Variants in GLT1D1 observed in about 807,000 individuals in gnomAD.
GLT1D1 encodes the protein glycosyltransferase 1 domain-containing protein 1.
In GLT1D1, 21 loss-of-function variants were observed where a neutral mutation model predicts 28.7. The observed-to-expected ratio is 0.73, with a 90% CI of 0.52 to 1.05. GLT1D1 has a LOEUF of 1.05. Ranked by LOEUF, GLT1D1 falls within the 50% of genes least tolerant of loss-of-function variation. The pLI, the probability that GLT1D1 is intolerant of heterozygous loss-of-function variation, is 0.00. For missense variants in GLT1D1, 343 were observed against 330.6 expected, an observed-to-expected ratio of 1.04 and a Z score of -0.29; for synonymous variants, 147 against 124.8, an observed-to-expected ratio of 1.18 and a Z score of -1.19.
chr12:128,957,487 TG>T, intron 6 of GLT1D1, 57 bp from the exon 11 acceptor site: 1 of 1,196,504 alleles, frequency 8.4e-7, no homozygotes, highest in Non-Finnish European at 1.2e-6. Context: ...TGACTCATCT[TG>T]CCGCAGAGGC....
chr12:128,933,960 G>T (rs1372759423), intron 4 of GLT1D1, among the ~76,000 whole-genome samples: 2 of 152,034 alleles, frequency 1.3e-5, no homozygotes, highest in African/African-American at 4.8e-5. Context: ...AATTCTTATT[G>T]GAAAGACTAT....
chr12:128,861,618 G>T (rs140513632), intron 1 of GLT1D1, among the ~76,000 whole-genome samples: 1 of 152,218 alleles, frequency 6.6e-6, no homozygotes, highest in Non-Finnish European at 1.5e-5. Flanking sequence ...GTGCAGCGGG[G>T]TGGTGACTGT....
chr12:128,876,488 T>G (rs749907888), intron 2 of GLT1D1, among the ~76,000 whole-genome samples: 2 of 151,586 alleles, frequency 1.3e-5, no homozygotes, highest in Non-Finnish European at 2.9e-5. Flanking sequence ...AAATTTTTGT[T>G]TTTTTTTTCA....
chr12:128,863,838 C>T (rs997180815), intron 1 of GLT1D1, among the ~76,000 whole-genome samples: 14 of 148,036 alleles, frequency 9.5e-5, no homozygotes, highest in African/African-American at 3.0e-4. Context: ...CCCAGCTACT[C>T]GGGAGGCTGA....
intron 6 of GLT1D1, among the ~76,000 whole-genome samples, chr12:128,948,686 T>A (rs1213476447): frequency 6.6e-6 from 1 of 151,442 alleles, no homozygotes; most frequent in Non-Finnish European, 1.5e-5. Flanking sequence ...TATCCATGTA[T>A]CCCCTTGGAT....
At chr12:128,932,835 G>A (rs1394782479) in intron 4 of GLT1D1, among the ~76,000 whole-genome samples, 4 of 152,134 alleles carry the variant, frequency 2.6e-5, no homozygotes, top group African/African-American at 9.7e-5. Flanking sequence ...TCCCTGCCTC[G>A]TCGAAGGTCC....
At chr12:128,898,264 C>A (rs1193376146) in intron 3 of GLT1D1, among the ~76,000 whole-genome samples, 1 of 151,982 alleles carries the variant, frequency 6.6e-6, no homozygotes, top group Non-Finnish European at 1.5e-5. Context: ...CCTTGACATC[C>A]CAGGCTCAAG....
At chr12:128,959,458 TGGTGGGGG>T (rs1565914077) in intron 7 of GLT1D1, among the ~76,000 whole-genome samples, 7 of 10,222 alleles carry the variant, frequency 6.8e-4, no homozygotes, top group South Asian at 4.7e-3. Context: ...GAACGGCGGG[TGGTGGGGG>T]GGCAGCAAGG....
chr12:128,927,959 C>T (rs190951639), intron 4 of GLT1D1, among the ~76,000 whole-genome samples: 2,899 of 109,086 alleles, frequency 0.027, 114 homozygotes, highest in African/African-American at 0.087. Flanking sequence ...AAGGTCGCAC[C>T]GCTGTACTCC....
intron 7 of GLT1D1, among the ~76,000 whole-genome samples, chr12:128,965,836 C>T (rs11060045): frequency 0.071 from 10,805 of 151,964 alleles, 664 homozygotes; most frequent in African/African-American, 0.17. Context: ...TGGAAGTTGC[C>T]GTGAGCTGAG....
chr12:128,944,430 C>T, intron 4 of GLT1D1: 2 of 1,341,542 alleles, frequency 1.5e-6, no homozygotes, highest in Non-Finnish European at 2.1e-6. Context: ...CTTCATAAGC[C>T]TTTAGTCTCT....
intron 7 of GLT1D1, among the ~76,000 whole-genome samples, chr12:128,969,494 G>C (rs551023678): frequency 7.8e-4 from 119 of 152,332 alleles, no homozygotes; most frequent in Non-Finnish European, 1.4e-3. Context: ...GGGCAGGTTT[G>C]CCCCGAGCTG....
intron 7 of GLT1D1, among the ~76,000 whole-genome samples, chr12:128,969,907 C>T (rs551365687): frequency 1.3e-5 from 2 of 152,206 alleles, no homozygotes; most frequent in East Asian, 3.9e-4. Context: ...CCCGCAGGCT[C>T]CAGCTGGGGA....
rs1555261631 is a variant in GLT1D1 at position 128,874,120 on chromosome 12, C to CCCTTTCTT, written c.69-1794_69-1793insCCTTTCTT. Among the ~76,000 whole-genome samples the CCCTTTCTT allele has an allele frequency of 1.6e-3, 84 of 52,802 alleles. 7 individuals carry two copies. Among genetic ancestry groups the CCCTTTCTT allele is most frequent in the African/African-American group, 6.9e-3 (79 of 11,374 alleles). 34.6% of individuals were successfully genotyped at this position (52,802 alleles called of 152,430 possible). A position where few individuals can be genotyped will look rare whatever the true frequency, so the allele number is the denominator to read the frequency against. ...TCTTTCTCTCTCTCTCTCTCTCTCT[C>CCCTTTCTT]TCTCTCTTTCTTTCTTTCTTTCTTT... is the stretch of plus-strand genomic sequence containing the variant. On this transcript the variant is annotated intron_variant, in intron 1 of 7. Transcript: ENST00000281703.
chr12:128,958,941 G>A (rs369874041), intron 7 of GLT1D1, among the ~76,000 whole-genome samples: 55 of 145,486 alleles, frequency 3.8e-4, no homozygotes, highest in Admixed American at 8.5e-4. Flanking sequence ...GGGCTCAAGC[G>A]ATCCTCCCAC....
At chr12:128,879,208 G>C (rs1053277535) in intron 2 of GLT1D1, among the ~76,000 whole-genome samples, 3 of 151,950 alleles carry the variant, frequency 2.0e-5, no homozygotes, top group Non-Finnish European at 4.4e-5. Flanking sequence ...TTGTTACATA[G>C]GTAAACGTGT....
chr12:128,896,941 A>G (rs1478344944), intron 3 of GLT1D1, among the ~76,000 whole-genome samples: 1 of 152,200 alleles, frequency 6.6e-6, no homozygotes, highest in Non-Finnish European at 1.5e-5. Flanking sequence ...GTAGAATTGC[A>G]AGGTCTAACG....
chr12:128,873,891 T>C (rs61111071), intron 1 of GLT1D1, among the ~76,000 whole-genome samples: 19,641 of 127,226 alleles, frequency 0.15, 1,609 homozygotes, highest in South Asian at 0.25. Context: ...TCCTCTCTCT[T>C]GCTCCCTTTC....
chr12:128,930,065 G>T (rs1356553927), intron 4 of GLT1D1, among the ~76,000 whole-genome samples: 1 of 152,198 alleles, frequency 6.6e-6, no homozygotes, highest in East Asian at 1.9e-4. Flanking sequence ...CTTAAATGTG[G>T]CAGTTTGTTA....
Sources: allele counts gnomAD v4.1 joint callset (sites outside exome capture counted in the v4.1 genomes callset), GRCh38; gene constraint gnomAD v4.1.1; transcripts MANE v1.5; gene names NCBI Gene and HGNC (gene_info 2026-07-23, HGNC 2026-07-21).